Variants in GPC6 observed in about 807,000 individuals in gnomAD.
GPC6 encodes glypican 6, also known as glypican-6.
A neutral mutation model predicts 55.2 loss-of-function variants in GPC6; 14 were observed. The ratio of observed to expected loss-of-function variants is 0.25; its 90% CI spans 0.17 to 0.40. GPC6 has a LOEUF of 0.40. GPC6 is among the 10% of genes least tolerant of loss of function. The pLI is 1.00. For missense variants in GPC6, 641 were observed against 708.5 expected (o/e 0.90, Z 1.08); for synonymous variants, 278 against 259.6 (o/e 1.07, Z -0.68).
intron 1 of GPC6, among the ~76,000 whole-genome samples, chr13:93,479,614 C>T (rs1260861500): frequency 7.0e-6 from 1 of 142,296 alleles, no homozygotes; most frequent in Non-Finnish European, 1.6e-5. Context: ...TGAGACCCCC[C>T]CCCATCTCTA....
chr13:94,156,225 G>T (rs1013757493), intron 4 of GPC6, among the ~76,000 whole-genome samples: 1 of 152,116 alleles, frequency 6.6e-6, no homozygotes, highest in African/African-American at 2.4e-5. Context: ...TAGCATTATT[G>T]TGGACTGCTG....
At chr13:93,346,759 G>C (rs79909308) in intron 1 of GPC6, among the ~76,000 whole-genome samples, 2,474 of 152,234 alleles carry the variant, frequency 0.016, 53 homozygotes, top group African/African-American at 0.053. Context: ...TTCTACATGG[G>C]TTTTAGTTCC....
chr13:94,257,868 A>G (rs1891550799), intron 4 of GPC6, among the ~76,000 whole-genome samples: 1 of 152,202 alleles, frequency 6.6e-6, no homozygotes. Context: ...GACAGACAAC[A>G]AAGAGTGGGT....
At chr13:93,384,459 T>C (rs925208072) in intron 1 of GPC6, among the ~76,000 whole-genome samples, 4 of 151,878 alleles carry the variant, frequency 2.6e-5, no homozygotes, top group Admixed American at 2.0e-4. Flanking sequence ...ATTGGATCGA[T>C]GAATATGATG....
At chr13:93,840,285 C>T (rs1166869524) in intron 3 of GPC6, among the ~76,000 whole-genome samples, 1 of 152,056 alleles carries the variant, frequency 6.6e-6, no homozygotes, top group Non-Finnish European at 1.5e-5. Flanking sequence ...ACCACTGAAA[C>T]ACAAAAGATC....
chr13:93,674,224 G>A (rs1881487525), intron 2 of GPC6, among the ~76,000 whole-genome samples: 1 of 152,106 alleles, frequency 6.6e-6, no homozygotes. Context: ...TATTGGAGGG[G>A]TAAAGGTTGC....
intron 2 of GPC6, among the ~76,000 whole-genome samples, chr13:93,679,171 A>G (rs1422204231): frequency 1.3e-5 from 2 of 152,308 alleles, no homozygotes; most frequent in African/African-American, 4.8e-5. Context: ...AACAATAGGA[A>G]TAATTTTAAA....
chr13:94,167,858 C>A (rs191357276), intron 4 of GPC6, among the ~76,000 whole-genome samples: 79 of 152,140 alleles, frequency 5.2e-4, no homozygotes, highest in Admixed American at 1.4e-3. Context: ...CAGGAAATAC[C>A]CATTCAAAAT....
intron 7 of GPC6, among the ~76,000 whole-genome samples, chr13:94,393,984 T>C (rs752874681): frequency 1.3e-5 from 2 of 152,136 alleles, no homozygotes; most frequent in Non-Finnish European, 2.9e-5. Context: ...TCTGTGGGGA[T>C]GGTCCTGTTT....
rs556091521 is a variant in GPC6 at position 93,630,717 on chromosome 13, A to T, written c.319+85296A>T. On this transcript the variant is annotated intron_variant, in intron 2 of 8. Transcript: ENST00000377047. Reference sequence around the variant, plus strand: ...TAGCAGCAACTAAAATAAATGTATTATAATAAATAAAATACAGTATACTTT... The same window carrying T: ...TAGCAGCAACTAAAATAAATGTATTTTAATAAATAAAATACAGTATACTTT... 2.4e-4 allele frequency among the ~76,000 whole-genome samples: 36 copies of T among 152,320 alleles called. 1 individual carries two copies. In the East Asian group the frequency reaches 6.0e-3, roughly 25 times the overall value.
At chr13:94,319,104 C>T (rs983620809) in intron 6 of GPC6, among the ~76,000 whole-genome samples, 2 of 152,020 alleles carry the variant, frequency 1.3e-5, no homozygotes, top group African/African-American at 4.8e-5. Flanking sequence ...TCTTCCATCT[C>T]ATTTTGTGAT....
chr13:94,013,370 G>A (rs771895293), intron 3 of GPC6, among the ~76,000 whole-genome samples: 5 of 152,032 alleles, frequency 3.3e-5, no homozygotes, highest in Non-Finnish European at 7.4e-5. Context: ...TTGTTTTTGA[G>A]ATGGAGTTTC....
intron 1 of GPC6, among the ~76,000 whole-genome samples, chr13:93,541,902 C>G (rs1169510047): frequency 6.6e-6 from 1 of 151,722 alleles, no homozygotes; most frequent in Non-Finnish European, 1.5e-5. Flanking sequence ...TGTTTGAGTT[C>G]ATTGTAGATT....
intron 5 of GPC6, among the ~76,000 whole-genome samples, chr13:94,287,672 A>G (rs1892567441): frequency 6.6e-6 from 1 of 152,154 alleles, no homozygotes; most frequent in Admixed American, 6.6e-5. Flanking sequence ...CCAAATTACC[A>G]TCACCTGTTG....
At chr13:94,358,816 T>G (rs974885058) in intron 6 of GPC6, among the ~76,000 whole-genome samples, 5 of 152,232 alleles carry the variant, frequency 3.3e-5, no homozygotes, top group African/African-American at 1.2e-4. Flanking sequence ...TCTAGGATAC[T>G]CAGCATGTTT....
Position 94,270,972 on chromosome 13 carries a change from T to A in GPC6, c.878-15377T>A, listed in dbSNP as rs547105445. Among the ~76,000 whole-genome samples the A allele has an allele frequency of 2.8e-3, 30 of 10,668 alleles. 1 individual carries two copies. Among genetic ancestry groups the A allele is most frequent in the African/African-American group, 0.012 (29 of 2,356 alleles). 7.0% of individuals were successfully genotyped at this position (10,668 alleles called of 152,430 possible). A position where few individuals can be genotyped will look rare whatever the true frequency, so the allele number is the denominator to read the frequency against. On this transcript the variant is annotated intron_variant, in intron 4 of 8. Transcript: ENST00000377047. ...AGAGACAGAGAAGTATAATTTTTTTTTTTTTTTTTTTTTTTTTTTTTTTTT... is the reference window on the plus strand; with the variant it reads ...AGAGACAGAGAAGTATAATTTTTTTATTTTTTTTTTTTTTTTTTTTTTTTT...
intron 3 of GPC6, among the ~76,000 whole-genome samples, chr13:93,871,286 C>G (rs1889125252): frequency 6.6e-6 from 1 of 151,938 alleles, no homozygotes; most frequent in Non-Finnish European, 1.5e-5. Flanking sequence ...TAACACCTGT[C>G]TCAAGAGGGT....
intron 1 of GPC6, among the ~76,000 whole-genome samples, chr13:93,254,944 G>A (rs186691428): frequency 3.3e-5 from 5 of 152,320 alleles, no homozygotes; most frequent in Admixed American, 2.6e-4. Context: ...TAAAATGAAG[G>A]TATTTAAAAC....
intron 1 of GPC6, among the ~76,000 whole-genome samples, chr13:93,420,374 G>A (rs1876882258): frequency 6.6e-6 from 1 of 152,134 alleles, no homozygotes; most frequent in Non-Finnish European, 1.5e-5. Context: ...GACTACCGTG[G>A]GAAGGAGGTG....
Sources: allele counts gnomAD v4.1 joint callset (sites outside exome capture counted in the v4.1 genomes callset), GRCh38; gene constraint gnomAD v4.1.1; transcripts MANE v1.5; gene names NCBI Gene and HGNC (gene_info 2026-07-23, HGNC 2026-07-21).